GGACT: variants seen among roughly 807,000 people sequenced by gnomAD.
GGACT encodes gamma-glutamylaminecyclotransferase.
For missense variants in GGACT, 241 were observed against 233.2 expected (o/e 1.03, Z -0.22); for synonymous variants, 118 against 115.3 (o/e 1.02, Z -0.15).
chr13:100,585,691 C>G (rs555238466), intron 1 of GGACT, among the ~76,000 whole-genome samples: 2 of 151,644 alleles, frequency 1.3e-5, no homozygotes, highest in East Asian at 3.9e-4. Flanking sequence ...TCACTTGAAC[C>G]CAGGAGGCGG....
At chr13:100,584,469 AGAGGCTAG>A (rs1158159939) in intron 1 of GGACT, among the ~76,000 whole-genome samples, 1 of 152,196 alleles carries the variant, frequency 6.6e-6, no homozygotes, top group African/African-American at 2.4e-5. Flanking sequence ...GATGGTTACC[AGAGGCTAG>A]GAAGGGTAGT....
chr13:100,550,143 G>T (rs1215388251), intron 2 of GGACT, among the ~76,000 whole-genome samples: 1 of 152,172 alleles, frequency 6.6e-6, no homozygotes, highest in Non-Finnish European at 1.5e-5. Context: ...ATTCCTGTGA[G>T]TCCTGAACGT....
At chr13:100,576,566 T>C (rs771966199) in intron 2 of GGACT, among the ~76,000 whole-genome samples, 8 of 152,200 alleles carry the variant, frequency 5.3e-5, no homozygotes, top group Non-Finnish European at 1.0e-4. Flanking sequence ...TGTGAATGGA[T>C]ACATACAATG....
intron 2 of GGACT, among the ~76,000 whole-genome samples, chr13:100,557,756 C>T (rs1021130369): frequency 6.6e-6 from 1 of 152,028 alleles, no homozygotes; most frequent in Non-Finnish European, 1.5e-5. Context: ...TCAAAAGACT[C>T]GGGTGAGTAA....
chr13:100,585,597 G>T (rs1273113218), intron 1 of GGACT, among the ~76,000 whole-genome samples: 1 of 151,812 alleles, frequency 6.6e-6, no homozygotes, highest in South Asian at 2.1e-4. Context: ...GTGAAACCCC[G>T]TCTCTACTAA....
At chr13:100,550,450 ACACACAC>A (rs2088652185) in intron 2 of GGACT, among the ~76,000 whole-genome samples, 1 of 146,972 alleles carries the variant, frequency 6.8e-6, no homozygotes, top group Admixed American at 7.0e-5. Context: ...ACACACACAC[ACACACAC>A]ACCACTTTTA....
At chr13:100,539,584 G>A (rs1193965299) in intron 2 of GGACT, 1 of 375,504 alleles carries the variant, frequency 2.7e-6, no homozygotes, top group Non-Finnish European at 4.7e-6. Flanking sequence ...TCCTTTTAAT[G>A]TGTTGTTGAA....
At position 100,545,970 on chromosome 13, in the gene GGACT, C is replaced by G. The variant is rs2088599839; in HGVS notation, c.-10-13369G>C. On this transcript the variant is annotated intron_variant, in intron 2 of 2. Coordinates refer to ENST00000683975, the MANE Select transcript of GGACT (RefSeq NM_001195087.2). The surrounding 1 kb of genome is among the most constrained non-coding windows in gnomAD (Gnocchi z 4.4). ...TGGGCCACCCAGAGTGCCTTTCCCCCTCTTTTCCTCCATCATCAGTAGGTG... is the reference window on the plus strand; with the variant it reads ...TGGGCCACCCAGAGTGCCTTTCCCCGTCTTTTCCTCCATCATCAGTAGGTG... Among the ~76,000 whole-genome samples the G allele has an allele frequency of 6.6e-6, 1 of 152,244 alleles. No individual in the cohort carries two copies. Among genetic ancestry groups the G allele is most frequent in the Non-Finnish European group, 1.5e-5 (1 of 68,052 alleles).
chr13:100,548,993 A>C (rs1481767339), intron 2 of GGACT, among the ~76,000 whole-genome samples: 4 of 152,248 alleles, frequency 2.6e-5, no homozygotes, highest in Admixed American at 2.6e-4. Context: ...CAAGATGTCA[A>C]ATTTAAAATC....
intron 2 of GGACT, among the ~76,000 whole-genome samples, chr13:100,546,643 C>T (rs563214447): frequency 4.7e-4 from 71 of 152,236 alleles, no homozygotes; most frequent in African/African-American, 1.7e-3. Context: ...ACCACTGCAG[C>T]ATGGGCCTCA....
At chr13:100,584,442 GAGAT>G (rs1420071627) in intron 1 of GGACT, among the ~76,000 whole-genome samples, 2 of 152,100 alleles carry the variant, frequency 1.3e-5, no homozygotes, top group African/African-American at 2.4e-5. Flanking sequence ...TGAACTGACT[GAGAT>G]AGAGATCAGA....
chr13:100,551,236 A>G (rs1253985879), intron 2 of GGACT, among the ~76,000 whole-genome samples: 5 of 152,034 alleles, frequency 3.3e-5, no homozygotes, highest in Non-Finnish European at 5.9e-5. Flanking sequence ...GTGAGCCGAG[A>G]TCACGCCACT....
In GGACT at chr13:100,550,417, TACACACACACACAC is replaced by T. The variant is rs61669253; in HGVS notation, c.-10-17830_-10-17817del. 1.6e-3 allele frequency among the ~76,000 whole-genome samples: 115 copies of T among 72,500 alleles called. 2 individuals are homozygous for T. The highest frequency in any genetic ancestry group is 8.4e-3 in the African/African-American group (102 of 12,210). 47.6% of individuals were successfully genotyped at this position (72,500 alleles called of 152,430 possible). ...AATTAAATCCGAGCCGATTATACTCTACACACACACACACACACACACACACACACACACACACA... is the reference window on the plus strand; with the variant it reads ...AATTAAATCCGAGCCGATTATACTCTACACACACACACACACACACACACA... On this transcript the variant is annotated intron_variant, in intron 2 of 2. Transcript: ENST00000683975.
At chr13:100,540,206 G>A (rs56380195) in intron 2 of GGACT, 20 of 1,443,694 alleles carry the variant, frequency 1.4e-5, no homozygotes, top group African/African-American at 4.2e-5. Context: ...ACGTGGCCGC[G>A]GCCCTTTTTG....
At chr13:100,537,118 T>A (rs2088503077) in intron 2 of GGACT, 2 of 152,302 alleles carry the variant, frequency 1.3e-5, no homozygotes, top group Non-Finnish European at 2.9e-5. Flanking sequence ...CCCGCTTTCC[T>A]CCACTGTCCT....
At chr13:100,573,126 G>A (rs1272797807) in intron 2 of GGACT, among the ~76,000 whole-genome samples, 1 of 152,124 alleles carries the variant, frequency 6.6e-6, no homozygotes, top group Non-Finnish European at 1.5e-5. Flanking sequence ...GAGAGAAGCG[G>A]CATCTTCCCA....
At chr13:100,583,226 C>G (rs914042881) in intron 2 of GGACT, among the ~76,000 whole-genome samples, 3 of 152,058 alleles carry the variant, frequency 2.0e-5, no homozygotes, top group Admixed American at 6.6e-5. Context: ...TGTGTTAACA[C>G]GAATTTTTAA....
In GGACT at chr13:100,530,467, A is replaced by G; in HGVS notation, c.*1663T>C. On this transcript the variant is annotated 3_prime_UTR_variant, in exon 3 of 3. Coordinates refer to ENST00000683975, the MANE Select transcript of GGACT (RefSeq NM_001195087.2). ...TTTGCCCTTTCTTTGAATGAAGACAATGTACACATAGGCGACAGGCTCTGC... is the reference window on the plus strand; with the variant it reads ...TTTGCCCTTTCTTTGAATGAAGACAGTGTACACATAGGCGACAGGCTCTGC... 5 of 488,056 alleles carry G rather than the reference A, an allele frequency of 1.0e-5. No homozygotes were observed. The highest frequency in any genetic ancestry group is 1.9e-5 in the Non-Finnish European group (5 of 267,258). 30.2% of individuals were successfully genotyped at this position (488,056 alleles called of 1,614,324 possible). A position where few individuals can be genotyped will look rare whatever the true frequency, so the allele number is the denominator to read the frequency against.
chr13:100,552,387 A>G (rs2088672167), intron 2 of GGACT, among the ~76,000 whole-genome samples: 1 of 152,202 alleles, frequency 6.6e-6, no homozygotes, highest in African/African-American at 2.4e-5. Flanking sequence ...TCCAAAATCT[A>G]CACGCCACCC....
Sources: gnomAD v4.1 joint callset for allele counts (sites outside exome capture counted in the v4.1 genomes callset) on GRCh38, gnomAD v4.1.1 for gene constraint, Gnocchi (gnomAD v3.1) non-coding constraint, MANE v1.5 for transcripts, NCBI Gene and HGNC (gene_info 2026-07-23, HGNC 2026-07-21) for gene names.